PCDHGB6: variants seen among roughly 807,000 people sequenced by gnomAD.
The protein encoded by PCDHGB6 is protocadherin gamma subfamily B, 6.
Under a neutral mutation model 59.1 loss-of-function variants are expected in PCDHGB6, and 51 were observed. The ratio of observed to expected loss-of-function variants is 0.86; its 90% confidence interval spans 0.69 to 1.09. The LOEUF (loss-of-function observed/expected upper bound fraction) is 1.09, where lower values mean the gene tolerates loss of function less well. PCDHGB6 is among the 50% of genes least tolerant of loss of function. The pLI is 0.00. For missense variants in PCDHGB6, 1,148 were observed against 1,205.1 expected (o/e 0.95, Z 0.70); for synonymous variants, 466 against 495.1 (o/e 0.94, Z 0.78).
intron 3 of PCDHGB6, among the ~76,000 whole-genome samples, chr5:141,509,700 TGGA>T (rs1407159498): frequency 6.6e-6 from 1 of 152,192 alleles, no homozygotes; most frequent in East Asian, 1.9e-4. Flanking sequence ...GACGTTGGAC[TGGA>T]GGTGCTGTCT....
chr5:141,489,066 C>G lies in PCDHGB6; in HGVS notation c.2419-5741C>G. The stretch of plus-strand genomic sequence containing the variant: ...CACTCAAATTCAGCTCCCCTCCCCC[C>G]TGCCCACCCCCGCCACTCGGTGACT... On this transcript the variant is annotated intron_variant, in intron 1 of 3. Transcript: ENST00000520790. This position sits in a 1 kb window ranked among gnomAD's most constrained non-coding sequence, Gnocchi z 4.5. 1 of 391,132 alleles carries G rather than the reference C, an allele frequency of 2.6e-6. No individual in the cohort carries two copies. Among genetic ancestry groups the G allele is most frequent in the South Asian group, 4.2e-5 (1 of 24,028 alleles). 24.2% of individuals were successfully genotyped at this position (391,132 alleles called of 1,614,324 possible).
chr5:141,428,266 G>A (rs764763674), intron 1 of PCDHGB6: 1 of 810,620 alleles, frequency 1.2e-6, no homozygotes. Context: ...TGACAGTCCT[G>A]TGCCCTCTGA....
At chr5:141,492,091 C>A (rs930375969) in intron 1 of PCDHGB6, among the ~76,000 whole-genome samples, 1 of 152,242 alleles carries the variant, frequency 6.6e-6, no homozygotes, top group South Asian at 2.1e-4. Flanking sequence ...CACGCTTCGC[C>A]GGTCTGTAGA....
chr5:141,473,299 G>T (rs182316672), intron 1 of PCDHGB6, among the ~76,000 whole-genome samples: 5 of 152,228 alleles, frequency 3.3e-5, no homozygotes, highest in Admixed American at 1.3e-4. Flanking sequence ...GTAGCATAAA[G>T]ATTGCTATAT....
intron 1 of PCDHGB6, among the ~76,000 whole-genome samples, chr5:141,492,394 G>C (rs2099740158): frequency 6.6e-6 from 1 of 152,220 alleles, no homozygotes; most frequent in African/African-American, 2.4e-5. Context: ...CGGTCCACTC[G>C]CAGCTCCCCT....
At chr5:141,509,334 G>A (rs1184232270) in intron 3 of PCDHGB6, among the ~76,000 whole-genome samples, 1 of 152,186 alleles carries the variant, frequency 6.6e-6, no homozygotes, top group Non-Finnish European at 1.5e-5. Flanking sequence ...ACTGCCAGCT[G>A]GGCCTGGGCT....
intron 1 of PCDHGB6, among the ~76,000 whole-genome samples, chr5:141,444,162 T>A: frequency 8.4e-6 from 1 of 119,238 alleles, no homozygotes. Flanking sequence ...ATTTTTTTTT[T>A]TTTTTTTTTT....
At position 141,487,276 on chromosome 5, in the gene PCDHGB6, C is replaced by G; in HGVS notation, c.2419-7531C>G. On this transcript the variant is annotated intron_variant, in intron 1 of 3. Coordinates refer to ENST00000520790, the MANE Select transcript of PCDHGB6 (RefSeq NM_018926.3). The surrounding 1 kb of genome is among the most constrained non-coding windows in gnomAD (Gnocchi z 5.0). ...TGGCTGTGTCCCTAGTGGCAATTTG[C>G]TTTGTCTCCTTTGGCTCATTCGTGG... 1 of 1,614,158 alleles carries G rather than the reference C, an allele frequency of 6.2e-7. No homozygotes were observed. The highest frequency in any genetic ancestry group is 1.1e-5 in the South Asian group (1 of 91,082).
chr5:141,427,998 C>A, intron 1 of PCDHGB6: 1 of 1,600,956 alleles, frequency 6.2e-7, no homozygotes, highest in Non-Finnish European at 8.6e-7. Context: ...TGGCTCCGCA[C>A]TCTTCGATAT....
chr5:141,446,455 T>G (rs1347586383), intron 1 of PCDHGB6, among the ~76,000 whole-genome samples: 1 of 151,858 alleles, frequency 6.6e-6, no homozygotes, highest in Non-Finnish European at 1.5e-5. Context: ...AGATATTCAG[T>G]GTGTGATTAG....
intron 1 of PCDHGB6, among the ~76,000 whole-genome samples, chr5:141,446,686 C>T (rs574630887): frequency 1.3e-5 from 2 of 152,294 alleles, no homozygotes; most frequent in African/African-American, 4.8e-5. Context: ...CCATATTGGC[C>T]AGGCTGGTCT....
intron 1 of PCDHGB6, chr5:141,478,359 G>A: frequency 6.2e-7 from 1 of 1,613,734 alleles, no homozygotes; most frequent in Non-Finnish European, 8.5e-7. Flanking sequence ...GACGCCGTGC[G>A]GGGAGGCCTG....
chr5:141,492,873 C>G (rs2099744714), intron 1 of PCDHGB6, among the ~76,000 whole-genome samples: 1 of 152,182 alleles, frequency 6.6e-6, no homozygotes, highest in Non-Finnish European at 1.5e-5. Context: ...CTCTCAACCC[C>G]CAGAGATACA....
In PCDHGB6 at chr5:141,494,850, G is replaced by C. The variant is rs2099757124; in HGVS notation, c.2462G>C (p.Arg821Thr). 1.2e-6 allele frequency: 2 copies of C among 1,614,124 alleles called. No individual in the cohort carries two copies. The highest frequency in any genetic ancestry group is 1.7e-6 in the Non-Finnish European group (2 of 1,180,018). Reference protein sequence around the residue: ...NTDWRFSQAQRPGTSGSQNGD... With the variant: ...NTDWRFSQAQTPGTSGSQNGD... ...GACTGGCGTTTCTCTCAGGCCCAGA[G>C]ACCCGGCACCAGCGGGTAGGTGACT... is the stretch of plus-strand genomic sequence containing the variant. The change falls in exon 2 of 4, where the codon AGA becomes ACA. Residue 821 changes from arginine to threonine, a missense_variant. Physicochemically the swap from Arg to Thr is moderately conservative, Grantham distance 71. This residue lies in a region of PCDHGB6 where 283 missense variants were observed against 318.6 expected (regional missense o/e 0.89). Transcript: ENST00000520790.
At chr5:141,415,467 C>T (rs754252558) in intron 1 of PCDHGB6, 2 of 1,614,080 alleles carry the variant, frequency 1.2e-6, no homozygotes, top group African/African-American at 1.3e-5. Context: ...TCTCTCTCAC[C>T]GCGGACTCGC....
chr5:141,502,098 G>T (rs1341016516), intron 2 of PCDHGB6, among the ~76,000 whole-genome samples: 2 of 152,108 alleles, frequency 1.3e-5, no homozygotes, highest in Non-Finnish European at 2.9e-5. Flanking sequence ...ACCTGGCCTT[G>T]ACCCTGCACC....
At chr5:141,498,467 G>C (rs535351060) in intron 2 of PCDHGB6, among the ~76,000 whole-genome samples, 1 of 152,116 alleles carries the variant, frequency 6.6e-6, no homozygotes, top group East Asian at 1.9e-4. Context: ...GTCTAACCCT[G>C]GTTCCAGCCT....
At chr5:141,435,004 A>G (rs1481428383) in intron 1 of PCDHGB6, among the ~76,000 whole-genome samples, 1 of 152,096 alleles carries the variant, frequency 6.6e-6, no homozygotes, top group Non-Finnish European at 1.5e-5. Flanking sequence ...AGCTGAATTT[A>G]TCAATGATAA....
intron 1 of PCDHGB6, among the ~76,000 whole-genome samples, chr5:141,438,036 C>T (rs1299733977): frequency 4.6e-5 from 7 of 152,026 alleles, no homozygotes; most frequent in South Asian, 2.1e-4. Flanking sequence ...CCACCATGCC[C>T]GACCACTTTG....
Sources: gnomAD v4.1 joint callset for allele counts (sites outside exome capture counted in the v4.1 genomes callset) on GRCh38, gnomAD v4.1.1 for gene constraint, gnomAD v4.1.1 regional missense constraint, Gnocchi (gnomAD v3.1) non-coding constraint, MANE v1.5 for transcripts, NCBI Gene and HGNC (gene_info 2026-07-23, HGNC 2026-07-21) for gene names.